L3MBTL4: variants seen among roughly 807,000 people sequenced by gnomAD.
L3MBTL4 encodes the protein lethal(3)malignant brain tumor-like protein 4.
In L3MBTL4, 70 loss-of-function variants were observed where a neutral mutation model predicts 84.5. The ratio of observed to expected loss-of-function variants is 0.83; its 90% CI spans 0.68 to 1.01. The LOEUF (loss-of-function observed/expected upper bound fraction) is 1.01, where lower values mean the gene tolerates loss of function less well. Ranked by LOEUF, L3MBTL4 falls within the 50% of genes least tolerant of loss-of-function variation. The pLI is 0.00. For missense variants in L3MBTL4, 715 were observed against 754.8 expected (o/e 0.95, Z 0.62); for synonymous variants, 274 against 259.8 (o/e 1.05, Z -0.52).
intron 1 of L3MBTL4, among the ~76,000 whole-genome samples, chr18:6,361,731 G>A (rs2053702621): frequency 6.6e-6 from 1 of 152,156 alleles, no homozygotes; most frequent in East Asian, 1.9e-4. Flanking sequence ...CTATGCAGGG[G>A]TTCCACAGAT....
At chr18:6,358,021 A>G in intron 1 of L3MBTL4, among the ~76,000 whole-genome samples, 1 of 152,188 alleles carries the variant, frequency 6.6e-6, no homozygotes, top group East Asian at 1.9e-4. Flanking sequence ...ACACATCACG[A>G]AAAGTGTCTG....
intron 4 of L3MBTL4, 79 bp from the exon 5 acceptor site, chr18:6,264,117 A>C: frequency 2.0e-5 from 21 of 1,053,902 alleles, no homozygotes; most frequent in Non-Finnish European, 2.6e-5. Context: ...CAATAAACTC[A>C]AGAAGCAGGC....
intron 16 of L3MBTL4, among the ~76,000 whole-genome samples, chr18:6,055,317 A>G (rs1187989592): frequency 6.6e-6 from 1 of 152,190 alleles, no homozygotes; most frequent in Non-Finnish European, 1.5e-5. Flanking sequence ...TGATATTATG[A>G]CCATGTTCAC....
At chr18:6,249,223 A>C (rs1014297844) in intron 5 of L3MBTL4, among the ~76,000 whole-genome samples, 2 of 152,198 alleles carry the variant, frequency 1.3e-5, no homozygotes, top group Non-Finnish European at 2.9e-5. Context: ...GACAAAATGC[A>C]ATGAAAAAGG....
At chr18:6,150,264 T>A (rs971321337) in intron 13 of L3MBTL4, among the ~76,000 whole-genome samples, 13 of 152,132 alleles carry the variant, frequency 8.5e-5, no homozygotes, top group Non-Finnish European at 1.9e-4. Context: ...GGAGTGACTA[T>A]ATCATTTTTC....
At chr18:6,285,636 T>G (rs1474159018) in intron 4 of L3MBTL4, among the ~76,000 whole-genome samples, 1 of 151,936 alleles carries the variant, frequency 6.6e-6, no homozygotes, top group Non-Finnish European at 1.5e-5. Flanking sequence ...TGTAATTCCC[T>G]GCAAGCCCTG....
chr18:6,095,870 G>A (rs374448687), intron 14 of L3MBTL4, among the ~76,000 whole-genome samples: 5 of 152,136 alleles, frequency 3.3e-5, no homozygotes, highest in Admixed American at 2.0e-4. Flanking sequence ...AAGCTGCACC[G>A]TATGGGATTT....
chr18:6,237,405 A>C (rs2047257189), intron 10 of L3MBTL4, among the ~76,000 whole-genome samples: 1 of 151,570 alleles, frequency 6.6e-6, no homozygotes, highest in African/African-American at 2.4e-5. Context: ...AGTTGGATAA[A>C]AATTTTTAGC....
intron 4 of L3MBTL4, among the ~76,000 whole-genome samples, chr18:6,290,274 GTTT>G (rs75169205): frequency 1.1e-4 from 16 of 140,714 alleles, no homozygotes; most frequent in South Asian, 2.3e-4. Context: ...CTGCAGAAGG[GTTT>G]TTTTTTTTTT....
chr18:6,340,955 T>C (rs1037393296), intron 1 of L3MBTL4, among the ~76,000 whole-genome samples: 1 of 152,136 alleles, frequency 6.6e-6, no homozygotes, highest in Non-Finnish European at 1.5e-5. Context: ...AGGCCCTCAT[T>C]CCAGGCCTGG....
At chr18:6,324,648 C>T (rs946264498) in intron 1 of L3MBTL4, among the ~76,000 whole-genome samples, 3 of 152,202 alleles carry the variant, frequency 2.0e-5, no homozygotes, top group Admixed American at 1.3e-4. Flanking sequence ...TTTAGTTAGC[C>T]TCTGCTCCTT....
At chr18:6,216,857 T>C (rs935327705) in intron 10 of L3MBTL4, among the ~76,000 whole-genome samples, 6 of 152,278 alleles carry the variant, frequency 3.9e-5, no homozygotes, top group Middle Eastern at 6.8e-3. Flanking sequence ...TACTACATAA[T>C]AGTTTCAGAA....
At chr18:6,381,753 C>A (rs1249969026) in intron 1 of L3MBTL4, among the ~76,000 whole-genome samples, 1 of 152,194 alleles carries the variant, frequency 6.6e-6, no homozygotes, top group African/African-American at 2.4e-5. Flanking sequence ...TTCTCTCTGG[C>A]TGCCCTTAAC....
At chr18:6,218,090 G>A (rs116755666) in intron 10 of L3MBTL4, among the ~76,000 whole-genome samples, 430 of 152,044 alleles carry the variant, frequency 2.8e-3, no homozygotes, top group African/African-American at 9.8e-3. Flanking sequence ...GTTTCAATAA[G>A]TATTTCTGCA....
At chr18:6,161,657 TG>T (rs1252880202) in intron 13 of L3MBTL4, among the ~76,000 whole-genome samples, 1 of 152,192 alleles carries the variant, frequency 6.6e-6, no homozygotes, top group Non-Finnish European at 1.5e-5. Flanking sequence ...TGCCTACACT[TG>T]TGCCATTTTC....
chr18:6,251,199 T>C (rs1048082696), intron 5 of L3MBTL4, among the ~76,000 whole-genome samples: 3 of 152,242 alleles, frequency 2.0e-5, no homozygotes, highest in Admixed American at 2.0e-4. Flanking sequence ...GAGCATCAAC[T>C]TGCAAGGTTT....
At chr18:6,156,213 T>A (rs1349099889) in intron 13 of L3MBTL4, among the ~76,000 whole-genome samples, 1 of 152,196 alleles carries the variant, frequency 6.6e-6, no homozygotes, top group Non-Finnish European at 1.5e-5. Flanking sequence ...TCTGTGAATA[T>A]CTTCACTATG....
intron 16 of L3MBTL4, among the ~76,000 whole-genome samples, chr18:6,051,821 T>C (rs1598572032): frequency 6.6e-6 from 1 of 151,812 alleles, no homozygotes; most frequent in African/African-American, 2.4e-5. Flanking sequence ...AGCCTATTTT[T>C]CAGCATGGCG....
At chr18:6,109,141 T>A (rs2059109403) in intron 14 of L3MBTL4, among the ~76,000 whole-genome samples, 1 of 152,178 alleles carries the variant, frequency 6.6e-6, no homozygotes, top group Non-Finnish European at 1.5e-5. Flanking sequence ...GGATTTCTTT[T>A]TGGTTTTATA....
Sources: gnomAD v4.1 joint callset for allele counts (sites outside exome capture counted in the v4.1 genomes callset) on GRCh38, gnomAD v4.1.1 for gene constraint, MANE v1.5 for transcripts, NCBI Gene and HGNC (gene_info 2026-07-23, HGNC 2026-07-21) for gene names.